The following GAPVD1 variants were observed in gnomAD, a reference collection of about 807,000 sequenced individuals.
The protein encoded by GAPVD1 is GTPase activating protein and VPS9 domains 1.
In GAPVD1, 35 loss-of-function variants were observed where a neutral mutation model predicts 155.5. The ratio of observed to expected loss-of-function variants is 0.23; its 90% CI spans 0.17 to 0.30. The LOEUF (loss-of-function observed/expected upper bound fraction) is 0.30. GAPVD1 is among the 10% of genes least tolerant of loss of function. The pLI is 1.00. For missense variants in GAPVD1, 1,429 were observed against 1,775.7 expected, an observed-to-expected ratio of 0.80 and a Z score of 3.51; for synonymous variants, 636 against 619.7, an observed-to-expected ratio of 1.03 and a Z score of -0.39.
At chr9:125,300,451 T>TAA in intron 4 of GAPVD1, among the ~76,000 whole-genome samples, 2 of 151,858 alleles carry the variant, frequency 1.3e-5, no homozygotes, top group African/African-American at 4.8e-5. Context: ...AGTGCTGGGA[T>TAA]TATAGGTATG....
intron 25 of GAPVD1, among the ~76,000 whole-genome samples, chr9:125,358,318 C>G (rs1271615446): frequency 3.3e-5 from 5 of 152,164 alleles, no homozygotes; most frequent in Non-Finnish European, 5.9e-5. Flanking sequence ...GTTGCTCAGG[C>G]TGGCCTCGAA....
At chr9:125,287,374 C>CA (rs1564294373) in intron 2 of GAPVD1, among the ~76,000 whole-genome samples, 1 of 152,046 alleles carries the variant, frequency 6.6e-6, no homozygotes, top group Non-Finnish European at 1.5e-5. Flanking sequence ...TTTGTCTCTA[C>CA]AAAAAATGCA....
chr9:125,341,123 T>C, intron 17 of GAPVD1, 54 bp from the exon 18 acceptor site: 1 of 882,998 alleles, frequency 1.1e-6, no homozygotes, highest in East Asian at 2.4e-5. Flanking sequence ...ATCCTTTTCT[T>C]AGTAATTTAT....
chr9:125,332,368 A>G (rs766411159), intron 14 of GAPVD1, 142 bp from the exon 15 acceptor site: 32 of 657,904 alleles, frequency 4.9e-5, no homozygotes, highest in Admixed American at 2.9e-4. Context: ...CAGTAGTACC[A>G]TAAAGGATAT....
chr9:125,347,133 T>G, intron 20 of GAPVD1, 192 bp downstream of exon 20: 1 of 621,472 alleles, frequency 1.6e-6, no homozygotes, highest in Admixed American at 2.8e-5. Context: ...TGGGTACCCC[T>G]GAATGTTCAA....
At position 125,322,363 on chromosome 9, in the gene GAPVD1, C is replaced by T. The variant is rs964957509; in HGVS notation, c.1732+801C>T. On this transcript the variant is annotated intron_variant, in intron 10 of 27. Transcript: ENST00000297933. ...ACAGGCGTGAGCCACCGCGCCTGGC[C>T]CCGGGTTTTTTTTTATTTAAAGACA... Among the ~76,000 whole-genome samples, 90 of 151,898 alleles carry T rather than the reference C, an allele frequency of 5.9e-4. 1 individual carries two copies. Among genetic ancestry groups the T allele is most frequent in the African/African-American group, 2.1e-3 (88 of 41,340 alleles).
At chr9:125,348,188 T>C (rs975707227) in intron 20 of GAPVD1, among the ~76,000 whole-genome samples, 1 of 152,156 alleles carries the variant, frequency 6.6e-6, no homozygotes, top group Non-Finnish European at 1.5e-5. Context: ...CCTGAGTAGC[T>C]GGGACCACAA....
intron 2 of GAPVD1, among the ~76,000 whole-genome samples, chr9:125,276,938 T>C (rs1835888520): frequency 6.6e-6 from 1 of 151,988 alleles, no homozygotes; most frequent in Non-Finnish European, 1.5e-5. Context: ...TTCTAAATTT[T>C]TTTTTCGTAA....
chr9:125,326,652 A>G (rs2131640155), intron 12 of GAPVD1, 63 bp downstream of exon 12: 1 of 1,172,824 alleles, frequency 8.5e-7, no homozygotes. Context: ...CCAACCTTTC[A>G]TGGGAGGGAG....
chr9:125,312,603 A>G lies in GAPVD1; in HGVS notation c.1593A>G (p.Ser531=). Residue 531 remains serine, a synonymous_variant, in exon 9 of 28, where the codon TCA becomes TCG. Coordinates refer to ENST00000297933, the MANE Select transcript of GAPVD1 (RefSeq NM_001282680.3). ...CCCAGCTTACTCCAGGGATGATGTC[A>G]GAAAATGAGGTATGAATCAGTTGCT... ...TGPQLTPGMM[S]ENEVLNMQLS... The G allele has an allele frequency of 1.3e-6, 2 of 1,584,508 alleles. No homozygotes were observed. Among genetic ancestry groups the G allele is most frequent in the East Asian group, 2.3e-5 (1 of 44,252 alleles).
Position 125,362,517 on chromosome 9 carries a change from A to G in GAPVD1, c.4243-89A>G, listed in dbSNP as rs1183673966. On this transcript the variant is annotated intron_variant, in intron 27 of 27. Coordinates refer to ENST00000297933, the MANE Select transcript of GAPVD1 (RefSeq NM_001282680.3). ...TTTCAAAAGGATTGGTATGTCTTTC[A>G]TAGAAGAACATTCGAAGAACACTTA... 6 of 1,082,952 alleles carry G rather than the reference A, an allele frequency of 5.5e-6. No homozygotes were observed. In the East Asian group the frequency reaches 1.5e-4, roughly 27 times the overall value. 67.1% of individuals were successfully genotyped at this position (1,082,952 alleles called of 1,614,324 possible).
chr9:125,312,099 A>T (rs905435843), intron 8 of GAPVD1, among the ~76,000 whole-genome samples: 1 of 152,202 alleles, frequency 6.6e-6, no homozygotes, highest in African/African-American at 2.4e-5. Context: ...TAGTGAAGGT[A>T]TCTTAAAAAG....
At chr9:125,301,836 T>C (rs1840936040) in intron 4 of GAPVD1, 147 bp from the exon 5 acceptor site, 8 of 582,178 alleles carry the variant, frequency 1.4e-5, no homozygotes, top group Non-Finnish European at 2.3e-5. Context: ...ATTGAGTTGC[T>C]GTTAGTTTAA....
At chr9:125,263,546 G>A (rs1039651528) in intron 1 of GAPVD1, 64 of 976,782 alleles carry the variant, frequency 6.6e-5, no homozygotes, top group Non-Finnish European at 9.5e-5. Context: ...TTTTTTGGTT[G>A]TAAGTTTATT....
At chr9:125,357,184 A>G (rs75300983) in intron 25 of GAPVD1, among the ~76,000 whole-genome samples, 1,973 of 152,282 alleles carry the variant, frequency 0.013, 104 homozygotes, top group East Asian at 0.088. Context: ...ACACTGCCTT[A>G]TTCCCTCTGC....
chr9:125,315,207 A>G (rs1250404471), intron 9 of GAPVD1, among the ~76,000 whole-genome samples: 4 of 152,218 alleles, frequency 2.6e-5, no homozygotes, highest in African/African-American at 7.2e-5. Flanking sequence ...GTTTGGGACT[A>G]TGACATGATA....
intron 15 of GAPVD1, among the ~76,000 whole-genome samples, chr9:125,334,250 C>G (rs1246309563): frequency 6.9e-6 from 1 of 144,328 alleles, no homozygotes; most frequent in African/African-American, 2.6e-5. Context: ...GGGCACCACA[C>G]TGTATTCTTC....
At chr9:125,316,322 T>TC (rs1447582163) in intron 9 of GAPVD1, among the ~76,000 whole-genome samples, 1 of 152,080 alleles carries the variant, frequency 6.6e-6, no homozygotes, top group Non-Finnish European at 1.5e-5. Context: ...ATGATATCCC[T>TC]CCCCTAACCC....
rs1436056644 is a variant in GAPVD1 at position 125,330,006 on chromosome 9, G to C, written c.2033-72G>C. On this transcript the variant is annotated intron_variant, in intron 12 of 27. Coordinates refer to ENST00000297933, the MANE Select transcript of GAPVD1 (RefSeq NM_001282680.3). ...CAGGAGATTTTGTTAGCTAGTGTTTGGCTTTTCTCCACTATCACTGCACTT... is the reference window on the plus strand; with the variant it reads ...CAGGAGATTTTGTTAGCTAGTGTTTCGCTTTTCTCCACTATCACTGCACTT... 4 of 1,283,832 alleles carry C rather than the reference G, an allele frequency of 3.1e-6. No individual in the cohort carries two copies. The Middle Eastern group carries it at 5.9e-4, about 188-fold the overall frequency. 79.5% of individuals were successfully genotyped at this position (1,283,832 alleles called of 1,614,324 possible).
Sources: allele counts gnomAD v4.1 joint callset (sites outside exome capture counted in the v4.1 genomes callset), GRCh38; gene constraint gnomAD v4.1.1; transcripts MANE v1.5; gene names NCBI Gene and HGNC (gene_info 2026-07-23, HGNC 2026-07-21).